Variants in FRMD3 observed in about 807,000 individuals in gnomAD.
FRMD3 encodes the protein FERM domain containing 3.
In FRMD3, 33 loss-of-function variants were observed where a neutral mutation model predicts 70.2. That is an observed-to-expected ratio of 0.47 (90% CI 0.36 to 0.63). The LOEUF is 0.63. Ranked by LOEUF, FRMD3 falls within the 20% of genes least tolerant of loss-of-function variation. FRMD3 has a pLI of 0.00. For missense variants in FRMD3, 632 were observed against 711.4 expected, an observed-to-expected ratio of 0.89 and a Z score of 1.27; for synonymous variants, 279 against 255.9, an observed-to-expected ratio of 1.09 and a Z score of -0.86.
chr9:83,361,940 T>A lies in FRMD3; in HGVS notation c.295+10973A>T, dbSNP rs150875937. 4.6e-4 allele frequency among the ~76,000 whole-genome samples: 70 copies of A among 152,288 alleles called. No homozygotes were observed. The East Asian group carries it at 0.012, about 26-fold the overall frequency. On this transcript the variant is annotated intron_variant, in intron 3 of 13. Transcript: ENST00000304195. ...TTCCCTAGAGCCTTCGGAGGGAGCA[T>A]GGCCCTGCTGACAACTTGGTTTCAG...
intron 2 of FRMD3, among the ~76,000 whole-genome samples, chr9:83,379,494 G>A: frequency 6.6e-6 from 1 of 152,154 alleles, no homozygotes; most frequent in Non-Finnish European, 1.5e-5. Flanking sequence ...TACTGTAGCT[G>A]AAATCTTCTT....
intron 2 of FRMD3, among the ~76,000 whole-genome samples, chr9:83,385,464 A>G (rs995639653): frequency 3.3e-5 from 5 of 152,224 alleles, no homozygotes; most frequent in African/African-American, 1.2e-4. Context: ...AGCAAAAGAT[A>G]GTCATCATTT....
the FRMD3 span, among the ~76,000 whole-genome samples, chr9:83,547,446 A>G: frequency 6.6e-6 from 1 of 151,732 alleles, no homozygotes; most frequent in Non-Finnish European, 1.5e-5. Context: ...GTTTGTCCCT[A>G]TCATTATAAA....
At chr9:83,507,724 ATATATATATATATATCT>A in intron 1 of FRMD3, among the ~76,000 whole-genome samples, 1 of 110,992 alleles carries the variant, frequency 9.0e-6, no homozygotes, top group South Asian at 3.0e-4. Context: ...ATATATATAT[ATATATATATATATATCT>A]TCTGGAATAT....
At chr9:83,499,520 A>G (rs1215602160) in intron 1 of FRMD3, among the ~76,000 whole-genome samples, 1 of 152,168 alleles carries the variant, frequency 6.6e-6, no homozygotes, top group Non-Finnish European at 1.5e-5. Flanking sequence ...TGTGCAGTGC[A>G]TTTATGATGC....
chr9:83,244,264 AGT>A (rs550454816), downstream of FRMD3, among the ~76,000 whole-genome samples: 16 of 152,284 alleles, frequency 1.1e-4, no homozygotes, highest in South Asian at 3.3e-3. Context: ...TTTTCTGGCC[AGT>A]GATGATAACA....
chr9:83,413,283 T>C (rs1379499506), intron 1 of FRMD3, among the ~76,000 whole-genome samples: 1 of 152,184 alleles, frequency 6.6e-6, no homozygotes, highest in African/African-American at 2.4e-5. Flanking sequence ...TCAAACTTTA[T>C]GGTGTAGAAT....
chr9:83,359,345 A>C (rs1433855263), intron 3 of FRMD3, among the ~76,000 whole-genome samples: 1 of 152,164 alleles, frequency 6.6e-6, no homozygotes, highest in Non-Finnish European at 1.5e-5. Flanking sequence ...GAGAAGCTTG[A>C]AAAGAGACTT....
intron 1 of FRMD3, among the ~76,000 whole-genome samples, chr9:83,420,493 A>C (rs1266032448): frequency 6.6e-6 from 1 of 152,154 alleles, no homozygotes; most frequent in East Asian, 1.9e-4. Context: ...CCCCTCTCCT[A>C]ATGGCAACAG....
intron 6 of FRMD3, among the ~76,000 whole-genome samples, chr9:83,328,027 G>A (rs10124608): frequency 0.34 from 51,421 of 151,970 alleles, 9,064 homozygotes; most frequent in African/African-American, 0.43. Flanking sequence ...TAACACCCTG[G>A]GGCCATGCAG....
At chr9:83,388,718 A>G (rs1416879977) in intron 2 of FRMD3, among the ~76,000 whole-genome samples, 1 of 152,196 alleles carries the variant, frequency 6.6e-6, no homozygotes, top group East Asian at 1.9e-4. Flanking sequence ...TTTCAAGTTT[A>G]GTTGTGCCCA....
At position 83,504,233 on chromosome 9, in the gene FRMD3, T is replaced by A. The variant is rs1042876716; in HGVS notation, c.147+33852A>T. Among the ~76,000 whole-genome samples the A allele has an allele frequency of 5.9e-5, 9 of 152,274 alleles. No homozygotes were observed. The East Asian group carries it at 7.7e-4, about 13-fold the overall frequency. ...AAAGCACCACCAATGACTGTAGACA[T>A]TCAAGTGGTCTTGGGCTTCCTAAAA... On this transcript the variant is annotated intron_variant, in intron 1 of 13. Transcript: ENST00000304195.
At chr9:83,552,643 G>A in the FRMD3 span, among the ~76,000 whole-genome samples, 1 of 152,122 alleles carries the variant, frequency 6.6e-6, no homozygotes, top group South Asian at 2.1e-4. Flanking sequence ...AGGAATCTGG[G>A]TGCTCCTGTG....
intron 6 of FRMD3, among the ~76,000 whole-genome samples, chr9:83,324,595 C>G (rs10121898): frequency 6.6e-6 from 1 of 151,906 alleles, no homozygotes; most frequent in African/African-American, 2.4e-5. Flanking sequence ...CAAGGACCCC[C>G]AAACTAAAGG....
At chr9:83,496,266 T>C (rs543832048) in intron 1 of FRMD3, among the ~76,000 whole-genome samples, 10 of 152,326 alleles carry the variant, frequency 6.6e-5, no homozygotes, top group African/African-American at 2.2e-4. Flanking sequence ...TATGAGACTA[T>C]TGCAAAAATT....
intron 1 of FRMD3, among the ~76,000 whole-genome samples, chr9:83,441,709 T>C (rs1827301069): frequency 6.6e-6 from 1 of 152,222 alleles, no homozygotes; most frequent in Admixed American, 6.5e-5. Flanking sequence ...ATGAAATTCA[T>C]TGCCATTTTC....
chr9:83,419,920 G>A (rs1422057357), intron 1 of FRMD3, among the ~76,000 whole-genome samples: 2 of 152,206 alleles, frequency 1.3e-5, no homozygotes, highest in Non-Finnish European at 2.9e-5. Context: ...TTTCAGAGAT[G>A]TGGGAGAGTG....
At chr9:83,360,399 C>G (rs573975418) in intron 3 of FRMD3, among the ~76,000 whole-genome samples, 1 of 152,176 alleles carries the variant, frequency 6.6e-6, no homozygotes, top group African/African-American at 2.4e-5. Flanking sequence ...ATGAACAAAG[C>G]CTTCCTACCC....
chr9:83,376,037 G>A (rs79097516), intron 2 of FRMD3, among the ~76,000 whole-genome samples: 5 of 151,840 alleles, frequency 3.3e-5, no homozygotes, highest in South Asian at 2.1e-4. Flanking sequence ...GCAGGTGCCT[G>A]TAATCCCAGC....
Sources: gnomAD v4.1 joint callset for allele counts (sites outside exome capture counted in the v4.1 genomes callset) on GRCh38, gnomAD v4.1.1 for gene constraint, MANE v1.5 for transcripts, NCBI Gene and HGNC (gene_info 2026-07-23, HGNC 2026-07-21) for gene names.